SCMH1: variants seen among roughly 807,000 people sequenced by gnomAD.
The protein encoded by SCMH1 is polycomb protein SCMH1.
In SCMH1, 37 loss-of-function variants were observed where a neutral mutation model predicts 70.8. The ratio of observed to expected loss-of-function variants is 0.52; its 90% CI spans 0.40 to 0.69. The LOEUF (loss-of-function observed/expected upper bound fraction) is 0.69, where lower values mean the gene tolerates loss of function less well. SCMH1 is among the 30% of genes least tolerant of loss of function. The pLI is 0.00. For missense variants in SCMH1, 607 were observed against 827.3 expected, an observed-to-expected ratio of 0.73 and a Z score of 3.27; for synonymous variants, 292 against 307.4, an observed-to-expected ratio of 0.95 and a Z score of 0.52.
At position 41,113,269 on chromosome 1, in the gene SCMH1, A is replaced by G. The variant is rs1394190167; in HGVS notation, c.745+14T>C. 1.2e-6 allele frequency: 2 copies of G among 1,611,478 alleles called. No homozygotes were observed. The highest frequency in any genetic ancestry group is 2.2e-5 in the South Asian group (2 of 90,778). ...CTGGGTCCTGATTTCAAGAGCACGT[A>G]GATGGGCCTTTACCTTTGGTGCCAG... On this transcript the variant is annotated intron_variant, in intron 8 of 14. Coordinates refer to ENST00000337495, the Ensembl canonical transcript of SCMH1. This position sits in a 1 kb window ranked among gnomAD's most constrained non-coding sequence, Gnocchi z 4.3.
intron 1 of SCMH1, among the ~76,000 whole-genome samples, chr1:41,223,554 C>T (rs12134050): frequency 0.031 from 4,716 of 151,456 alleles, 106 homozygotes; most frequent in East Asian, 0.097. Context: ...TCATCCCTAA[C>T]AAGTTTTAAA....
intron 13 of SCMH1, among the ~76,000 whole-genome samples, chr1:41,036,813 C>G (rs182918578): frequency 1.3e-5 from 2 of 152,294 alleles, no homozygotes; most frequent in Admixed American, 1.3e-4. Context: ...TGTTGCCCCT[C>G]TTCCTGGAAA....
chr1:41,135,771 T>C (rs1643206917), intron 6 of SCMH1, among the ~76,000 whole-genome samples: 1 of 152,136 alleles, frequency 6.6e-6, no homozygotes, highest in Non-Finnish European at 1.5e-5. Flanking sequence ...TCATGCTGAA[T>C]AGAACAGATA....
intron 8 of SCMH1, among the ~76,000 whole-genome samples, chr1:41,105,569 T>C (rs1166174905): frequency 6.6e-6 from 1 of 152,208 alleles, no homozygotes; most frequent in Non-Finnish European, 1.5e-5. Context: ...ATACTTACAC[T>C]GAAAACTTGG....
At chr1:41,106,063 C>T (rs1177975499) in intron 8 of SCMH1, among the ~76,000 whole-genome samples, 2 of 151,746 alleles carry the variant, frequency 1.3e-5, no homozygotes, top group Admixed American at 1.3e-4. Flanking sequence ...TTAGTAGAGA[C>T]AGGGTTTCAC....
At chr1:41,086,882 C>T (rs1053311217) in intron 8 of SCMH1, among the ~76,000 whole-genome samples, 1 of 57,240 alleles carries the variant, frequency 1.7e-5, no homozygotes, top group African/African-American at 1.1e-4. Context: ...AAAAACAAAA[C>T]AAAACCAAAA....
chr1:41,187,636 G>T (rs1650575780), intron 1 of SCMH1, among the ~76,000 whole-genome samples: 1 of 151,856 alleles, frequency 6.6e-6, no homozygotes, highest in African/African-American at 2.4e-5. Flanking sequence ...TGGGTGTGGT[G>T]GCTCACACCT....
At chr1:41,102,526 A>T (rs968526630) in intron 8 of SCMH1, among the ~76,000 whole-genome samples, 3 of 152,152 alleles carry the variant, frequency 2.0e-5, no homozygotes, top group African/African-American at 7.2e-5. Flanking sequence ...CTCCTGACTC[A>T]TTCCTACAAC....
At chr1:41,187,751 C>T (rs974799696) in intron 1 of SCMH1, among the ~76,000 whole-genome samples, 1 of 150,762 alleles carries the variant, frequency 6.6e-6, no homozygotes, top group Admixed American at 6.6e-5. Flanking sequence ...GCCTGGACAA[C>T]ACAGTGAGAC....
chr1:41,046,381 A>G lies in SCMH1; in HGVS notation c.1498+26T>C, dbSNP rs775283915. 1.0e-5 allele frequency: 16 copies of G among 1,606,250 alleles called. 1 individual carries two copies. The South Asian group carries it at 1.8e-4, about 18-fold the overall frequency. On this transcript the variant is annotated intron_variant, in intron 12 of 14. Coordinates refer to ENST00000337495, the Ensembl canonical transcript of SCMH1. ...GCTGCTAGCCCTGTCCCCCACTCTC[A>G]GCCCAGGCCCCATCCCAGCTCCTAC...
chr1:41,233,128 T>C (rs1661635490), intron 1 of SCMH1, among the ~76,000 whole-genome samples: 2 of 152,136 alleles, frequency 1.3e-5, no homozygotes, highest in Non-Finnish European at 2.9e-5. Flanking sequence ...GGCAACTCCT[T>C]GCCTAAATCA....
chr1:41,059,995 GA>G (rs1168482169), intron 10 of SCMH1, among the ~76,000 whole-genome samples: 6 of 133,258 alleles, frequency 4.5e-5, no homozygotes, highest in Admixed American at 2.2e-4. Context: ...TAAAAGCAAA[GA>G]AAAAAAAGAC....
chr1:41,232,554 GT>G (rs1258848645), intron 1 of SCMH1, among the ~76,000 whole-genome samples: 1 of 152,188 alleles, frequency 6.6e-6, no homozygotes, highest in Non-Finnish European at 1.5e-5. Flanking sequence ...GAGGACTGGG[GT>G]TGAAGTCAGG....
chr1:41,205,084 G>A (rs758092067), intron 1 of SCMH1, among the ~76,000 whole-genome samples: 1 of 152,160 alleles, frequency 6.6e-6, no homozygotes, highest in Non-Finnish European at 1.5e-5. Context: ...CTGCAGGATG[G>A]CTGAATAGGA....
At chr1:41,212,965 T>G (rs1253226821) in intron 1 of SCMH1, among the ~76,000 whole-genome samples, 1 of 152,092 alleles carries the variant, frequency 6.6e-6, no homozygotes, top group African/African-American at 2.4e-5. Flanking sequence ...TAAAAAAGAT[T>G]AACTAAAGGT....
Position 41,200,476 on chromosome 1 carries a change from C to CA in SCMH1, c.-117-14227dup, listed in dbSNP as rs201097343. Reference sequence around the variant, plus strand: ...GCCTGAGCGAGAGCAAAACTCGTCTCAAAAAAATATATAAATAAATGTAAT... The same window carrying CA: ...GCCTGAGCGAGAGCAAAACTCGTCTCAAAAAAAATATATAAATAAATGTAAT... On this transcript the variant is annotated intron_variant, in intron 1 of 14. Transcript: ENST00000337495. Among the ~76,000 whole-genome samples, 4 of 147,296 alleles carry CA rather than the reference C, an allele frequency of 2.7e-5. No individual in the cohort carries two copies. In the Admixed American group the frequency reaches 2.7e-4, roughly 10 times the overall value.
intron 12 of SCMH1, among the ~76,000 whole-genome samples, chr1:41,040,871 A>AAAAACAG (rs1336711188): frequency 6.6e-6 from 1 of 150,964 alleles, no homozygotes; most frequent in Non-Finnish European, 1.5e-5. Context: ...TCTCAAAACA[A>AAAAACAG]AAAACAGAAA....
chr1:41,069,334 A>G (rs946286741), intron 10 of SCMH1, among the ~76,000 whole-genome samples: 8 of 152,186 alleles, frequency 5.3e-5, no homozygotes. Flanking sequence ...AAATAACTAA[A>G]AAAGACAGCA....
chr1:41,127,937 A>AG (rs1035794049), intron 6 of SCMH1, among the ~76,000 whole-genome samples: 5 of 152,156 alleles, frequency 3.3e-5, no homozygotes, highest in African/African-American at 9.7e-5. Context: ...TAGAACTGTG[A>AG]GAAAAAAAAA....
Sources: allele counts gnomAD v4.1 joint callset (sites outside exome capture counted in the v4.1 genomes callset), GRCh38; gene constraint gnomAD v4.1.1; non-coding constraint Gnocchi (gnomAD v3.1); transcripts MANE v1.5; gene names NCBI Gene and HGNC (gene_info 2026-07-23, HGNC 2026-07-21).